The following OSBPL6 variants were observed in gnomAD, a reference collection of about 807,000 sequenced individuals.
OSBPL6 encodes the protein oxysterol-binding protein-related protein 6.
A neutral mutation model predicts 125.8 loss-of-function variants in OSBPL6; 49 were observed. The observed-to-expected ratio is 0.39, with a 90% CI of 0.31 to 0.49. OSBPL6 has a LOEUF of 0.49. Among genes scored for constraint, OSBPL6 ranks in the 20% least tolerant of loss-of-function variants. The pLI is 0.88. For synonymous variants in OSBPL6, 394 were observed against 391.8 expected (o/e 1.01, Z -0.07); for missense variants, 986 against 1,135.4 (o/e 0.87, Z 1.89).
At position 178,354,396 on chromosome 2, in the gene OSBPL6, A is replaced by G. The variant is rs987947110; in HGVS notation, c.1153+5007A>G. On this transcript the variant is annotated intron_variant, in intron 12 of 24. Coordinates refer to ENST00000190611, the MANE Select transcript of OSBPL6 (RefSeq NM_032523.4). ...AAAATAAAGGGATGGAGGAAGATCT[A>G]CCAAGCAAATGGAAAGCAAAAAAAA... Among the ~76,000 whole-genome samples the G allele has an allele frequency of 5.9e-5, 9 of 152,206 alleles. No homozygotes were observed. The South Asian group carries it at 1.0e-3, about 18-fold the overall frequency.
At chr2:178,288,744 G>A (rs1235797677) in intron 2 of OSBPL6, among the ~76,000 whole-genome samples, 1 of 151,764 alleles carries the variant, frequency 6.6e-6, no homozygotes, top group Non-Finnish European at 1.5e-5. Context: ...TGCCTCCCGA[G>A]TTCATGTGAT....
chr2:178,250,734 G>A (rs1044281358), intron 1 of OSBPL6, among the ~76,000 whole-genome samples: 6 of 152,162 alleles, frequency 3.9e-5, no homozygotes, highest in African/African-American at 7.2e-5. Context: ...AGCAGAAGCC[G>A]TCTCATATCG....
intron 3 of OSBPL6, among the ~76,000 whole-genome samples, chr2:178,308,545 T>A (rs557887487): frequency 4.3e-4 from 65 of 152,322 alleles, no homozygotes; most frequent in African/African-American, 1.4e-3. Context: ...TGCACATTAT[T>A]TGCCTTTCCT....
At chr2:178,217,770 T>G (rs1429473329) in intron 1 of OSBPL6, among the ~76,000 whole-genome samples, 1 of 152,210 alleles carries the variant, frequency 6.6e-6, no homozygotes. Flanking sequence ...TGCTTCTTAC[T>G]GTACAGGTGG....
intron 1 of OSBPL6, among the ~76,000 whole-genome samples, chr2:178,226,688 T>C (rs1272503211): frequency 6.6e-6 from 1 of 152,182 alleles, no homozygotes; most frequent in Non-Finnish European, 1.5e-5. Context: ...GGATTCCTGC[T>C]TCATACTATA....
chr2:178,213,059 G>A (rs527255742), intron 1 of OSBPL6, among the ~76,000 whole-genome samples: 52 of 152,168 alleles, frequency 3.4e-4, no homozygotes, highest in African/African-American at 1.0e-3. Context: ...CGCCTGCCTC[G>A]GCCTCCCAAA....
chr2:178,298,942 C>T (rs1368176197), intron 2 of OSBPL6, among the ~76,000 whole-genome samples: 1 of 152,144 alleles, frequency 6.6e-6, no homozygotes, highest in Non-Finnish European at 1.5e-5. Context: ...AATTTGTACA[C>T]ACCTAGGGAT....
intron 5 of OSBPL6, among the ~76,000 whole-genome samples, chr2:178,330,020 C>G (rs1051827948): frequency 6.6e-6 from 1 of 152,156 alleles, no homozygotes; most frequent in Non-Finnish European, 1.5e-5. Flanking sequence ...TTTCCTGAAC[C>G]CATAATATTA....
intron 1 of OSBPL6, among the ~76,000 whole-genome samples, chr2:178,261,161 A>C (rs1022354802): frequency 6.6e-6 from 1 of 151,476 alleles, no homozygotes; most frequent in Admixed American, 6.7e-5. Flanking sequence ...AAAACAAAAC[A>C]ACAACAACAA....
rs1250317525 is a variant in OSBPL6 at position 178,402,066 on chromosome 2, C to CTCAG, written c.*6508_*6509insCAGT. 9 of 151,914 alleles carry CTCAG rather than the reference C, an allele frequency of 5.9e-5. No individual in the cohort carries two copies. Among genetic ancestry groups the CTCAG allele is most frequent in the African/African-American group, 2.2e-4 (9 of 41,314 alleles). The allele number at this position is 151,914 out of a possible 1,614,324, so 9.4% of individuals were successfully genotyped here. ...GCCGCTGTGAGCTATGATTGCACCACTGCCCTGAGCCTGGACGACAGAGCA... is the reference window on the plus strand; with the variant it reads ...GCCGCTGTGAGCTATGATTGCACCACTCAGTGCCCTGAGCCTGGACGACAGAGCA... On this transcript the variant is annotated 3_prime_UTR_variant, in exon 25 of 25. Coordinates refer to ENST00000190611, the MANE Select transcript of OSBPL6 (RefSeq NM_032523.4).
intron 11 of OSBPL6, among the ~76,000 whole-genome samples, chr2:178,346,529 C>T (rs980579469): frequency 3.3e-5 from 5 of 152,180 alleles, no homozygotes; most frequent in African/African-American, 1.2e-4. Flanking sequence ...CCAGAATATT[C>T]TACGATCAGG....
At chr2:178,206,361 G>A (rs954290781) in intron 1 of OSBPL6, among the ~76,000 whole-genome samples, 44 of 152,302 alleles carry the variant, frequency 2.9e-4, no homozygotes, top group African/African-American at 9.9e-4. Flanking sequence ...AGGAAAAACG[G>A]TGTCCTTACT....
intron 1 of OSBPL6, among the ~76,000 whole-genome samples, chr2:178,261,142 A>C (rs558309684): frequency 6.6e-6 from 1 of 152,182 alleles, no homozygotes; most frequent in East Asian, 1.9e-4. Context: ...AAAACAAAAC[A>C]ATACAAACAA....
chr2:178,335,946 A>G (rs1298428088), intron 8 of OSBPL6, among the ~76,000 whole-genome samples: 1 of 152,250 alleles, frequency 6.6e-6, no homozygotes, highest in Non-Finnish European at 1.5e-5. Context: ...TTTGGAAAGG[A>G]AAGACCTTAA....
At chr2:178,226,477 T>C (rs2090568430) in intron 1 of OSBPL6, among the ~76,000 whole-genome samples, 1 of 152,238 alleles carries the variant, frequency 6.6e-6, no homozygotes, top group African/African-American at 2.4e-5. Context: ...CTTCACAGTG[T>C]GCACATATCC....
intron 1 of OSBPL6, among the ~76,000 whole-genome samples, chr2:178,200,316 A>G (rs1281230795): frequency 6.8e-6 from 1 of 146,766 alleles, no homozygotes; most frequent in Non-Finnish European, 1.5e-5. Flanking sequence ...CAGCGGTGCA[A>G]TCTCGGCTCA....
rs191970868 is a variant in OSBPL6, at chr2:178,248,051, C to G, written c.-350-36876C>G. Reference sequence around the variant, plus strand: ...TTGGATCCATGTGGCTGCCATTGTCCTTCAAACTGAAAGCTCCTACAAGGA... The same window carrying G: ...TTGGATCCATGTGGCTGCCATTGTCGTTCAAACTGAAAGCTCCTACAAGGA... On this transcript the variant is annotated intron_variant, in intron 1 of 24. Coordinates refer to ENST00000190611, the MANE Select transcript of OSBPL6 (RefSeq NM_032523.4). Among the ~76,000 whole-genome samples the G allele has an allele frequency of 2.0e-4, 30 of 152,254 alleles. 1 individual carries two copies. The East Asian group carries it at 4.6e-3, about 24-fold the overall frequency.
At chr2:178,324,416 GA>G in intron 4 of OSBPL6, 147 bp downstream of exon 4, 1 of 535,134 alleles carries the variant, frequency 1.9e-6, no homozygotes, top group Non-Finnish European at 3.4e-6. Flanking sequence ...TGCTTCCAAG[GA>G]GTAGAGTTTC....
At chr2:178,220,951 A>G (rs947977616) in intron 1 of OSBPL6, among the ~76,000 whole-genome samples, 12 of 152,174 alleles carry the variant, frequency 7.9e-5, no homozygotes, top group African/African-American at 2.7e-4. Context: ...ATCTGAAAAA[A>G]ATCGCCCTCT....
Sources: gnomAD v4.1 joint callset for allele counts (sites outside exome capture counted in the v4.1 genomes callset) on GRCh38, gnomAD v4.1.1 for gene constraint, MANE v1.5 for transcripts, NCBI Gene and HGNC (gene_info 2026-07-23, HGNC 2026-07-21) for gene names.